Variants in ELMO1 observed in about 807,000 individuals in gnomAD.
ELMO1 encodes engulfment and cell motility protein 1.
In ELMO1, 26 loss-of-function variants were observed where a neutral mutation model predicts 98.9. That is an observed-to-expected ratio of 0.26 (90% CI 0.19 to 0.36). ELMO1 has a LOEUF of 0.36. Ranked by LOEUF, ELMO1 falls within the 10% of genes least tolerant of loss-of-function variation. The probability of loss-of-function intolerance (pLI) is 1.00; values close to 1 mark genes in which losing one functional copy is unlikely to be tolerated. For synonymous variants in ELMO1, 346 were observed against 346.0 expected, an observed-to-expected ratio of 1.00 and a Z score of 0.00; for missense variants, 627 against 935.2, an observed-to-expected ratio of 0.67 and a Z score of 4.30.
chr7:37,206,304 G>A (rs998616052), intron 13 of ELMO1, among the ~76,000 whole-genome samples: 1 of 152,100 alleles, frequency 6.6e-6, no homozygotes, highest in Non-Finnish European at 1.5e-5. Context: ...ACAGAAACAT[G>A]AAAATGTCAA....
At chr7:37,328,339 T>C (rs1010131300) in intron 2 of ELMO1, among the ~76,000 whole-genome samples, 2 of 129,348 alleles carry the variant, frequency 1.5e-5, no homozygotes, top group African/African-American at 3.0e-5. Context: ...GCCAGGATCA[T>C]GCCACTGCAC....
intron 2 of ELMO1, among the ~76,000 whole-genome samples, chr7:37,337,781 G>A (rs1800502329): frequency 6.6e-6 from 1 of 152,174 alleles, no homozygotes; most frequent in Non-Finnish European, 1.5e-5. Context: ...TGAGGGGGCA[G>A]GGCAGAGACA....
chr7:37,437,111 A>G (rs1805183925), intron 1 of ELMO1, among the ~76,000 whole-genome samples: 1 of 152,184 alleles, frequency 6.6e-6, no homozygotes, highest in Admixed American at 6.5e-5. Flanking sequence ...ATGCAACATA[A>G]TCATATGAAA....
At chr7:37,162,710 G>A (rs539083522) in intron 13 of ELMO1, among the ~76,000 whole-genome samples, 151 of 152,088 alleles carry the variant, frequency 9.9e-4, no homozygotes, top group African/African-American at 3.4e-3. Context: ...TGAAGAAACC[G>A]GCAAAAAAAT....
intron 1 of ELMO1, among the ~76,000 whole-genome samples, chr7:37,388,623 CAA>C (rs59501155): frequency 4.9e-5 from 5 of 101,970 alleles, no homozygotes; most frequent in Non-Finnish European, 4.1e-5. Flanking sequence ...ACATCATGTG[CAA>C]AAAAAAAAAA....
chr7:36,855,350 C>T lies in ELMO1; in HGVS notation c.*201G>A, dbSNP rs547576768. 8 of 621,806 alleles carry T rather than the reference C, an allele frequency of 1.3e-5. No homozygotes were observed. Among genetic ancestry groups the T allele is most frequent in the Admixed American group, 2.9e-5 (1 of 34,110 alleles). 38.5% of individuals were successfully genotyped at this position (621,806 alleles called of 1,614,324 possible). A position where few individuals can be genotyped will look rare whatever the true frequency, so the allele number is the denominator to read the frequency against. On this transcript the variant is annotated 3_prime_UTR_variant, in exon 22 of 22. Coordinates refer to ENST00000310758, the MANE Select transcript of ELMO1 (RefSeq NM_014800.11). This position sits in a 1 kb window ranked among gnomAD's most constrained non-coding sequence, Gnocchi z 4.2. ...GGGAAGTGACCTGAAGCAGTGGAGCCGAGGAACAGAATCAGGGCGGTGAGC... is the reference window on the plus strand; with the variant it reads ...GGGAAGTGACCTGAAGCAGTGGAGCTGAGGAACAGAATCAGGGCGGTGAGC...
intron 6 of ELMO1, among the ~76,000 whole-genome samples, chr7:37,244,600 T>A (rs538865999): frequency 6.6e-6 from 1 of 152,288 alleles, no homozygotes; most frequent in African/African-American, 2.4e-5. Context: ...AAGATCAGCA[T>A]TAAACTACTG....
intron 16 of ELMO1, among the ~76,000 whole-genome samples, chr7:36,930,545 C>T (rs1785952634): frequency 6.6e-6 from 1 of 152,216 alleles, no homozygotes; most frequent in Non-Finnish European, 1.5e-5. Context: ...ACATGCTGTG[C>T]TCTGTTACTC....
At chr7:36,917,490 A>G (rs1299688043) in intron 16 of ELMO1, among the ~76,000 whole-genome samples, 1 of 152,220 alleles carries the variant, frequency 6.6e-6, no homozygotes, top group African/African-American at 2.4e-5. Flanking sequence ...TAAAAATGCA[A>G]TTTGCAGAAG....
At chr7:37,285,616 C>T (rs1320759889) in intron 4 of ELMO1, among the ~76,000 whole-genome samples, 2 of 152,172 alleles carry the variant, frequency 1.3e-5, no homozygotes, top group Non-Finnish European at 2.9e-5. Context: ...TGTTCATGCA[C>T]TAAGTACTGG....
chr7:36,912,994 A>G (rs1738939478), intron 16 of ELMO1, among the ~76,000 whole-genome samples: 1 of 152,162 alleles, frequency 6.6e-6, no homozygotes, highest in African/African-American at 2.4e-5. Flanking sequence ...AAAGGATCTC[A>G]AAGTCAAGAT....
At chr7:37,133,371 C>T in intron 13 of ELMO1, 137 bp from the exon 14 acceptor site, 1 of 620,928 alleles carries the variant, frequency 1.6e-6, no homozygotes, top group Non-Finnish European at 2.7e-6. Context: ...CATTTTCTAT[C>T]TCCATGTAAA....
intron 1 of ELMO1, among the ~76,000 whole-genome samples, chr7:37,362,534 C>G (rs1287305876): frequency 6.6e-6 from 1 of 152,122 alleles, no homozygotes; most frequent in Non-Finnish European, 1.5e-5. Context: ...TCTAGGTAGT[C>G]TCATCCAATC....
intron 1 of ELMO1, among the ~76,000 whole-genome samples, chr7:37,369,132 G>T (rs2131349825): frequency 6.6e-6 from 1 of 152,246 alleles, no homozygotes; most frequent in East Asian, 1.9e-4. Context: ...TGTCAACAAG[G>T]TTATGTAACA....
intron 16 of ELMO1, among the ~76,000 whole-genome samples, chr7:36,921,835 G>C (rs542294294): frequency 6.6e-6 from 1 of 152,282 alleles, no homozygotes; most frequent in African/African-American, 2.4e-5. Flanking sequence ...TCTCACCTGG[G>C]GCATTTGCTG....
intron 13 of ELMO1, among the ~76,000 whole-genome samples, chr7:37,144,478 GATTT>G (rs1172314796): frequency 6.6e-6 from 1 of 152,178 alleles, no homozygotes; most frequent in East Asian, 1.9e-4. Flanking sequence ...TTTGGATACA[GATTT>G]ATTTTCTTTT....
chr7:37,098,140 T>C (rs1447625167), intron 14 of ELMO1, among the ~76,000 whole-genome samples: 2 of 152,234 alleles, frequency 1.3e-5, no homozygotes, highest in South Asian at 2.1e-4. Flanking sequence ...CATCTCTCAG[T>C]AGCATCTACA....
At chr7:37,388,694 G>C (rs73116773) in intron 1 of ELMO1, among the ~76,000 whole-genome samples, 3,095 of 151,988 alleles carry the variant, frequency 0.02, 39 homozygotes, top group Middle Eastern at 0.034. Flanking sequence ...CCAGTGCTTT[G>C]GGAGGCTGAG....
intron 13 of ELMO1, among the ~76,000 whole-genome samples, chr7:37,138,012 T>TA (rs1488750632): frequency 6.6e-6 from 1 of 152,068 alleles, no homozygotes; most frequent in Non-Finnish European, 1.5e-5. Flanking sequence ...AGATGGAAAT[T>TA]AAAAAAATAT....
Sources: allele counts gnomAD v4.1 joint callset (sites outside exome capture counted in the v4.1 genomes callset), GRCh38; gene constraint gnomAD v4.1.1; non-coding constraint Gnocchi (gnomAD v3.1); transcripts MANE v1.5; gene names NCBI Gene and HGNC (gene_info 2026-07-23, HGNC 2026-07-21).